SLC45A4: variants seen among roughly 807,000 people sequenced by gnomAD.
SLC45A4 encodes the protein polyamine-transporter SLC45A4.
A neutral mutation model predicts 63.7 loss-of-function variants in SLC45A4; 32 were observed. That is an observed-to-expected ratio of 0.50 (90% confidence interval 0.38 to 0.67). The LOEUF is 0.67. Among genes scored for constraint, SLC45A4 ranks in the 30% least tolerant of loss-of-function variants. The pLI is 0.00. For missense variants in SLC45A4, 1,027 were observed against 1,157.7 expected (o/e 0.89, Z 1.64); for synonymous variants, 535 against 510.0 (o/e 1.05, Z -0.66).
chr8:141,276,781 C>T (rs969551833), intron 1 of SLC45A4, among the ~76,000 whole-genome samples: 7 of 152,350 alleles, frequency 4.6e-5, no homozygotes, highest in African/African-American at 9.6e-5. Context: ...CAGGCCCACA[C>T]GGGCTCAGAA....
At chr8:141,272,576 C>T (rs748578727) in intron 1 of SLC45A4, among the ~76,000 whole-genome samples, 50 of 152,212 alleles carry the variant, frequency 3.3e-4, no homozygotes, top group Non-Finnish European at 5.3e-4. Context: ...CGGAGTCCTG[C>T]CTGGCTCCCC....
intron 1 of SLC45A4, among the ~76,000 whole-genome samples, chr8:141,293,924 C>T (rs1326284579): frequency 1.4e-5 from 2 of 147,418 alleles, no homozygotes; most frequent in African/African-American, 5.0e-5. Context: ...CAGAGCGAGA[C>T]TCTATCTCAA....
At position 141,219,779 on chromosome 8, in the gene SLC45A4, T is replaced by C. The variant is rs773834922; in HGVS notation, c.481A>G (p.Thr161Ala). The change falls in exon 4 of 9, where the codon ACG (threonine) becomes GCG (alanine). Residue 161 changes from threonine to alanine, a missense_variant. Transcript: ENST00000517878. ...PNRQPIGIVL[T>A]VLGVVVLDFS... The stretch of plus-strand genomic sequence containing the variant: ...TCCAGGACCACCACTCCCAGCACCG[T>C]GAGCACGATGCCAATGGGCTGCCGG... The C allele has an allele frequency of 3.1e-6, 5 of 1,598,614 alleles. No individual in the cohort carries two copies. Among genetic ancestry groups the C allele is most frequent in the Non-Finnish European group, 4.3e-6 (5 of 1,173,312 alleles).
chr8:141,243,897 A>G (rs950211425), intron 2 of SLC45A4, among the ~76,000 whole-genome samples: 2 of 152,236 alleles, frequency 1.3e-5, no homozygotes, highest in Non-Finnish European at 2.9e-5. Flanking sequence ...CTATAAACAT[A>G]TAATACATAT....
intron 1 of SLC45A4, among the ~76,000 whole-genome samples, chr8:141,282,860 C>T (rs1264678796): frequency 1.3e-5 from 2 of 152,250 alleles, no homozygotes; most frequent in African/African-American, 4.8e-5. Flanking sequence ...CATCTGGGTG[C>T]CCAGAAGTGG....
At chr8:141,230,527 C>T (rs1440203840) in intron 2 of SLC45A4, among the ~76,000 whole-genome samples, 4 of 152,242 alleles carry the variant, frequency 2.6e-5, no homozygotes, top group South Asian at 2.1e-4. Flanking sequence ...AAGCCCCAAG[C>T]GTGCCCAGCT....
intron 1 of SLC45A4, among the ~76,000 whole-genome samples, chr8:141,276,033 C>T (rs114775721): frequency 0.013 from 1,993 of 151,928 alleles, 38 homozygotes; most frequent in African/African-American, 0.045. Context: ...CCACCTCAGT[C>T]TCCCAAGAAG....
chr8:141,226,565 A>T (rs1827006721), intron 2 of SLC45A4: 1 of 152,500 alleles, frequency 6.6e-6, no homozygotes, highest in South Asian at 2.1e-4. Flanking sequence ...CGACTGGGGT[A>T]CACAAGGCAG....
chr8:141,220,360 C>T (rs967659400), intron 3 of SLC45A4, among the ~76,000 whole-genome samples: 6 of 152,300 alleles, frequency 3.9e-5, no homozygotes, highest in African/African-American at 1.2e-4. Context: ...CACAAGTTCT[C>T]GGGGCAGCCT....
At chr8:141,230,932 G>C (rs1827315523) in intron 2 of SLC45A4, among the ~76,000 whole-genome samples, 1 of 152,182 alleles carries the variant, frequency 6.6e-6, no homozygotes, top group African/African-American at 2.4e-5. Flanking sequence ...GGATGCTGGG[G>C]CAGAGCACCT....
At chr8:141,300,622 G>C (rs537381897) in intron 1 of SLC45A4, among the ~76,000 whole-genome samples, 1 of 152,226 alleles carries the variant, frequency 6.6e-6, no homozygotes, top group Non-Finnish European at 1.5e-5. Flanking sequence ...GATGCCCTGT[G>C]CAGGAAGAAG....
In SLC45A4 at chr8:141,286,054, G is replaced by A. The variant is rs138383783; in HGVS notation, c.-401+22042C>T. Among the ~76,000 whole-genome samples the A allele has an allele frequency of 6.5e-3, 985 of 152,256 alleles. 13 individuals carry two copies. The highest frequency in any genetic ancestry group is 0.023 in the African/African-American group (941 of 41,540). ...TCTTGTTACTGACCCCACAGGCGTG[G>A]GCAGTTGCATTGCAGGGACCAAGGA... is the stretch of plus-strand genomic sequence containing the variant. On this transcript the variant is annotated intron_variant, in intron 1 of 8. Transcript: ENST00000517878.
chr8:141,267,997 C>T (rs1007528626), intron 1 of SLC45A4, among the ~76,000 whole-genome samples: 1 of 152,186 alleles, frequency 6.6e-6, no homozygotes, highest in African/African-American at 2.4e-5. Flanking sequence ...TATGTCCACA[C>T]AAAAACCTGT....
At chr8:141,263,192 C>T (rs1192794056) in intron 1 of SLC45A4, among the ~76,000 whole-genome samples, 1 of 124,256 alleles carries the variant, frequency 8.0e-6, no homozygotes. Context: ...GGAAGGGGAC[C>T]GTCACACGCC....
chr8:141,253,928 A>G, intron 2 of SLC45A4, 61 bp downstream of exon 2: 1 of 1,523,216 alleles, frequency 6.6e-7, no homozygotes. Flanking sequence ...GATCAGAGCC[A>G]CGCCCAGTCC....
At chr8:141,238,686 C>T (rs1827747828) in intron 2 of SLC45A4, among the ~76,000 whole-genome samples, 1 of 152,210 alleles carries the variant, frequency 6.6e-6, no homozygotes, top group Non-Finnish European at 1.5e-5. Context: ...ATCCACCACC[C>T]ATTCCCCACA....
intron 1 of SLC45A4, among the ~76,000 whole-genome samples, chr8:141,255,119 G>T (rs951803941): frequency 6.6e-6 from 1 of 152,178 alleles, no homozygotes; most frequent in Non-Finnish European, 1.5e-5. Context: ...TAGTGACAAG[G>T]TCTCGCTCCG....
rs1827238183 is a variant in SLC45A4 at position 141,229,658 on chromosome 8, A to T, written c.242-7893T>A. Among the ~76,000 whole-genome samples, 1 of 151,922 alleles carries T rather than the reference A, an allele frequency of 6.6e-6. No individual in the cohort carries two copies. The highest frequency in any genetic ancestry group is 6.6e-5 in the Admixed American group (1 of 15,262). ...CACCCATGGCAGAGACCCTGCTGCC[A>T]CTCCAGTGCGTGCCAGGTGGGCCCT... On this transcript the variant is annotated intron_variant, in intron 2 of 8. Coordinates refer to ENST00000517878, the MANE Select transcript of SLC45A4 (RefSeq NM_001286646.2). The surrounding 1 kb of genome is among the most constrained non-coding windows in gnomAD (Gnocchi z 5.0).
intron 1 of SLC45A4, among the ~76,000 whole-genome samples, chr8:141,276,263 TC>T (rs1195051050): frequency 6.6e-6 from 1 of 152,216 alleles, no homozygotes; most frequent in Admixed American, 6.5e-5. Context: ...ATTTTCTGGT[TC>T]CCTGTCCAAC....
Sources: allele counts gnomAD v4.1 joint callset (sites outside exome capture counted in the v4.1 genomes callset), GRCh38; gene constraint gnomAD v4.1.1; non-coding constraint Gnocchi (gnomAD v3.1); transcripts MANE v1.5; gene names NCBI Gene and HGNC (gene_info 2026-07-23, HGNC 2026-07-21).